C8orf34: variants seen among roughly 807,000 people sequenced by gnomAD.
C8orf34 encodes uncharacterized protein C8orf34.
In C8orf34, 65 loss-of-function variants were observed where a neutral mutation model predicts 68.3. That is an observed-to-expected ratio of 0.95 (90% CI 0.78 to 1.17). The LOEUF is 1.17. Among genes scored for constraint, C8orf34 ranks in the 50% most tolerant of loss-of-function variants. The probability of loss-of-function intolerance (pLI) is 0.00; values close to 1 mark genes in which losing one functional copy is unlikely to be tolerated. For synonymous variants in C8orf34, 244 were observed against 241.2 expected (o/e 1.01, Z -0.11); for missense variants, 664 against 655.4 (o/e 1.01, Z -0.14).
chr8:68,614,052 A>ATTT (rs1242352646), intron 7 of C8orf34, among the ~76,000 whole-genome samples: 1 of 152,040 alleles, frequency 6.6e-6, no homozygotes, highest in Non-Finnish European at 1.5e-5. Context: ...GATGGTGAGC[A>ATTT]TTTTTTCATG....
intron 8 of C8orf34, among the ~76,000 whole-genome samples, chr8:68,655,527 AT>A (rs1014212577): frequency 6.6e-6 from 1 of 152,026 alleles, no homozygotes; most frequent in African/African-American, 2.4e-5. Flanking sequence ...TTAAATTCTG[AT>A]TTTTTTCCTA....
intron 10 of C8orf34, among the ~76,000 whole-genome samples, chr8:68,768,007 T>C (rs973932405): frequency 2.6e-5 from 4 of 152,204 alleles, no homozygotes; most frequent in African/African-American, 9.7e-5. Flanking sequence ...GAAAGTAGGG[T>C]ACTTGCTTGA....
intron 7 of C8orf34, among the ~76,000 whole-genome samples, chr8:68,616,307 T>G (rs1287805651): frequency 1.3e-5 from 2 of 152,162 alleles, no homozygotes; most frequent in African/African-American, 4.8e-5. Flanking sequence ...CTGCTCTGAT[T>G]TTACTTATTT....
At chr8:68,706,567 G>C (rs988422052) in intron 8 of C8orf34, among the ~76,000 whole-genome samples, 10 of 152,170 alleles carry the variant, frequency 6.6e-5, no homozygotes, top group African/African-American at 2.4e-4. Context: ...GCCTGAAGGA[G>C]GTGAATTTGT....
intron 1 of C8orf34, among the ~76,000 whole-genome samples, chr8:68,389,242 A>G (rs1808382284): frequency 6.6e-6 from 1 of 152,182 alleles, no homozygotes; most frequent in Non-Finnish European, 1.5e-5. Flanking sequence ...TAAAGTTCAA[A>G]GACCTGGTTT....
chr8:68,700,156 AAAAC>A (rs913836761), intron 8 of C8orf34, among the ~76,000 whole-genome samples: 1 of 152,110 alleles, frequency 6.6e-6, no homozygotes, highest in African/African-American at 2.4e-5. Flanking sequence ...CAAAAACCCA[AAAAC>A]AAACAAACAA....
At chr8:68,583,332 T>C (rs947108479) in intron 7 of C8orf34, among the ~76,000 whole-genome samples, 20 of 152,148 alleles carry the variant, frequency 1.3e-4, no homozygotes, top group Non-Finnish European at 2.5e-4. Context: ...GCTCTATTTA[T>C]TTAATTTAAT....
rs564690638 is a variant in C8orf34 at position 68,816,960 on chromosome 8, C to A, written c.1609+1015C>A. Among the ~76,000 whole-genome samples, 3 of 152,278 alleles carry A rather than the reference C, an allele frequency of 2.0e-5. No homozygotes were observed. The South Asian group carries it at 6.2e-4, about 32-fold the overall frequency. ...TAAGGATATAGGTACACAACTATCACGTGGTTCTCTTCCTCAGCCCATCAA... is the reference window on the plus strand; with the variant it reads ...TAAGGATATAGGTACACAACTATCAAGTGGTTCTCTTCCTCAGCCCATCAA... On this transcript the variant is annotated intron_variant, in intron 13 of 13. Coordinates refer to ENST00000518698, the MANE Select transcript of C8orf34 (RefSeq NM_052958.4).
chr8:68,383,774 C>T (rs1042321935), intron 1 of C8orf34, among the ~76,000 whole-genome samples: 2 of 152,228 alleles, frequency 1.3e-5, no homozygotes, highest in African/African-American at 2.4e-5. Context: ...TCTGCAGTCA[C>T]TGGCATCTCC....
intron 7 of C8orf34, among the ~76,000 whole-genome samples, chr8:68,637,725 G>A (rs1343007996): frequency 6.6e-6 from 1 of 152,088 alleles, no homozygotes; most frequent in Non-Finnish European, 1.5e-5. Flanking sequence ...TATAATAATA[G>A]GGTTTTTTTG....
intron 3 of C8orf34, among the ~76,000 whole-genome samples, chr8:68,460,676 C>A (rs935393756): frequency 3.9e-5 from 6 of 152,318 alleles, no homozygotes; most frequent in Admixed American, 6.5e-5. Flanking sequence ...GATACCCAGG[C>A]AAACAGGGTC....
At chr8:68,754,763 T>C (rs1822803298) in intron 10 of C8orf34, among the ~76,000 whole-genome samples, 1 of 152,180 alleles carries the variant, frequency 6.6e-6, no homozygotes, top group Non-Finnish European at 1.5e-5. Flanking sequence ...CTATTACCAG[T>C]CACGGAAAAA....
intron 7 of C8orf34, among the ~76,000 whole-genome samples, chr8:68,544,481 A>G (rs1281320450): frequency 6.6e-6 from 1 of 152,204 alleles, no homozygotes; most frequent in Admixed American, 6.5e-5. Flanking sequence ...TCCTGACAGA[A>G]CAAAACTCAA....
chr8:68,556,801 A>G (rs1816270459), intron 7 of C8orf34, among the ~76,000 whole-genome samples: 1 of 152,216 alleles, frequency 6.6e-6, no homozygotes, highest in African/African-American at 2.4e-5. Flanking sequence ...GATAGATTTC[A>G]TCCACAAATG....
intron 8 of C8orf34, among the ~76,000 whole-genome samples, chr8:68,683,491 G>A (rs925861283): frequency 6.6e-6 from 1 of 151,900 alleles, no homozygotes; most frequent in African/African-American, 2.4e-5. Context: ...ATGAAGGGTT[G>A]GTGGGGGTGT....
intron 1 of C8orf34, among the ~76,000 whole-genome samples, chr8:68,368,126 G>T (rs532631912): frequency 6.6e-6 from 1 of 152,178 alleles, no homozygotes; most frequent in East Asian, 1.9e-4. Context: ...AGCCTCCTAG[G>T]TGAACACAGT....
chr8:68,799,104 C>T (rs1005045090), intron 12 of C8orf34, among the ~76,000 whole-genome samples: 11 of 152,172 alleles, frequency 7.2e-5, no homozygotes, highest in Non-Finnish European at 1.0e-4. Context: ...TGGAGCAATG[C>T]GTGGAGTTGA....
chr8:68,564,773 A>AAT (rs1816534970), intron 7 of C8orf34, among the ~76,000 whole-genome samples: 1 of 152,214 alleles, frequency 6.6e-6, no homozygotes, highest in Non-Finnish European at 1.5e-5. Flanking sequence ...GATGCTATAA[A>AAT]ATATAAGCCA....
intron 8 of C8orf34, among the ~76,000 whole-genome samples, chr8:68,704,671 A>G (rs1170952001): frequency 3.3e-5 from 5 of 152,024 alleles, no homozygotes; most frequent in Non-Finnish European, 4.4e-5. Flanking sequence ...TCTTCATTCC[A>G]CCCACTGTGA....
Sources: gnomAD v4.1 joint callset for allele counts (sites outside exome capture counted in the v4.1 genomes callset) on GRCh38, gnomAD v4.1.1 for gene constraint, MANE v1.5 for transcripts, NCBI Gene and HGNC (gene_info 2026-07-23, HGNC 2026-07-21) for gene names.